The following AK5 variants were observed in gnomAD, a reference collection of about 807,000 sequenced individuals.
AK5 encodes the protein adenylate kinase 5.
AK5 carries 27 observed loss-of-function variants against 69.5 expected under a neutral mutation model. The observed-to-expected ratio is 0.39, with a 90% CI of 0.29 to 0.54. The LOEUF (loss-of-function observed/expected upper bound fraction) is 0.54, where lower values mean the gene tolerates loss of function less well. Ranked by LOEUF, AK5 falls within the 20% of genes least tolerant of loss-of-function variation. The probability of loss-of-function intolerance (pLI) is 0.71; values close to 1 mark genes in which losing one functional copy is unlikely to be tolerated. For synonymous variants in AK5, 260 were observed against 244.4 expected, an observed-to-expected ratio of 1.06 and a Z score of -0.60; for missense variants, 531 against 700.4, an observed-to-expected ratio of 0.76 and a Z score of 2.73.
At chr1:77,306,198 A>G (rs1659626699) in intron 5 of AK5, among the ~76,000 whole-genome samples, 2 of 152,154 alleles carry the variant, frequency 1.3e-5, no homozygotes, top group South Asian at 4.1e-4. Context: ...CCCATTCAGT[A>G]TGATACTAGC....
At chr1:77,443,793 T>A (rs1652489261) in intron 8 of AK5, among the ~76,000 whole-genome samples, 2 of 151,858 alleles carry the variant, frequency 1.3e-5, no homozygotes, top group Non-Finnish European at 2.9e-5. Context: ...ATTTATTTTT[T>A]AAATATTTTA....
At chr1:77,421,007 A>T (rs569779841) in intron 8 of AK5, among the ~76,000 whole-genome samples, 1 of 152,346 alleles carries the variant, frequency 6.6e-6, no homozygotes, top group Admixed American at 6.5e-5. Context: ...TGAAATTCAA[A>T]TTCCATATAA....
rs1020738477 is a variant in AK5 at position 77,467,278 on chromosome 1, T to C, written c.1060-16039T>C. 2.6e-5 allele frequency among the ~76,000 whole-genome samples: 4 copies of C among 152,332 alleles called. No individual in the cohort carries two copies. The South Asian group carries it at 6.2e-4, about 24-fold the overall frequency. On this transcript the variant is annotated intron_variant, in intron 8 of 13. Coordinates refer to ENST00000354567, the MANE Select transcript of AK5 (RefSeq NM_174858.3). ...ACCCAAGCCTCACTTTCTTTCCTTG[T>C]AAAGTGGAGGCTCCTAGTTTCTCCT... is the stretch of plus-strand genomic sequence containing the variant.
At chr1:77,524,212 T>C (rs1432771685) in intron 12 of AK5, among the ~76,000 whole-genome samples, 1 of 152,236 alleles carries the variant, frequency 6.6e-6, no homozygotes, top group African/African-American at 2.4e-5. Flanking sequence ...GCTTTCACTT[T>C]CTGGCTATTG....
At chr1:77,356,050 T>A (rs984609800) in intron 6 of AK5, among the ~76,000 whole-genome samples, 1 of 152,210 alleles carries the variant, frequency 6.6e-6, no homozygotes, top group African/African-American at 2.4e-5. Flanking sequence ...TTTCAAGATC[T>A]CTAGTCTTTA....
chr1:77,358,018 T>TGTGTGTGTGTGTGTGA (rs762714026), intron 6 of AK5, among the ~76,000 whole-genome samples: 14,610 of 128,032 alleles, frequency 0.11, 1,141 homozygotes, highest in Non-Finnish European at 0.16. Flanking sequence ...TGTGTGTGTG[T>TGTGTGTGTGTGTGTGA]GAGAGAGAGA....
At chr1:77,365,373 C>G (rs909281690) in intron 6 of AK5, among the ~76,000 whole-genome samples, 26 of 152,290 alleles carry the variant, frequency 1.7e-4, no homozygotes, top group African/African-American at 5.5e-4. Flanking sequence ...TGCAGTGGCA[C>G]GATCCTAGCT....
chr1:77,394,364 C>T (rs557217980), intron 6 of AK5, among the ~76,000 whole-genome samples: 4 of 152,186 alleles, frequency 2.6e-5, no homozygotes, highest in Non-Finnish European at 1.5e-5. Flanking sequence ...GGCTCAAATT[C>T]TCTCTCTCCT....
intron 8 of AK5, among the ~76,000 whole-genome samples, chr1:77,422,682 C>T (rs1337640844): frequency 2.6e-5 from 4 of 152,168 alleles, no homozygotes; most frequent in Non-Finnish European, 4.4e-5. Context: ...TCTCAGGGGG[C>T]CCGTGATACT....
At chr1:77,526,130 C>G (rs886380936) in intron 12 of AK5, among the ~76,000 whole-genome samples, 2 of 151,938 alleles carry the variant, frequency 1.3e-5, no homozygotes, top group Non-Finnish European at 2.9e-5. Flanking sequence ...TGGATAAGTC[C>G]CTAGGGATAC....
chr1:77,551,342 T>C (rs1557669679), intron 13 of AK5, among the ~76,000 whole-genome samples: 1 of 152,132 alleles, frequency 6.6e-6, no homozygotes, highest in East Asian at 1.9e-4. Context: ...TCACAGAGTT[T>C]TCTAGTCACC....
At chr1:77,483,231 A>T (rs1320825671) in intron 8 of AK5, 86 bp from the exon 9 acceptor site, 1 of 917,904 alleles carries the variant, frequency 1.1e-6, no homozygotes, top group East Asian at 2.4e-5. Flanking sequence ...TACAGTTGTT[A>T]GGAAGTTCAA....
intron 10 of AK5, among the ~76,000 whole-genome samples, chr1:77,499,255 A>G (rs1447630444): frequency 1.3e-5 from 2 of 152,140 alleles, no homozygotes; most frequent in Non-Finnish European, 2.9e-5. Context: ...ACATATTTAA[A>G]CCAACCTTCA....
intron 8 of AK5, among the ~76,000 whole-genome samples, chr1:77,470,708 T>C (rs1654406232): frequency 6.6e-6 from 1 of 151,172 alleles, no homozygotes; most frequent in Admixed American, 6.6e-5. Flanking sequence ...TCTTATGTGG[T>C]AATTCCAACA....
At chr1:77,282,499 C>T (rs926141057) in intron 1 of AK5, 126 bp downstream of exon 1, 2 of 1,383,976 alleles carry the variant, frequency 1.4e-6, no homozygotes, top group Non-Finnish European at 1.9e-6. Context: ...CTTGTAGAAG[C>T]GCACTCGCCC....
chr1:77,461,008 C>T (rs1653799475), intron 8 of AK5, among the ~76,000 whole-genome samples: 1 of 151,730 alleles, frequency 6.6e-6, no homozygotes, highest in Non-Finnish European at 1.5e-5. Flanking sequence ...CAGGCGTGAG[C>T]CACCACACCC....
At chr1:77,481,787 T>C (rs1249947049) in intron 8 of AK5, among the ~76,000 whole-genome samples, 6 of 152,150 alleles carry the variant, frequency 3.9e-5, no homozygotes, top group African/African-American at 1.4e-4. Flanking sequence ...GACCATGCAG[T>C]CCCCTCTCTC....
chr1:77,368,230 TA>T (rs1557535137), intron 6 of AK5, among the ~76,000 whole-genome samples: 2 of 26,486 alleles, frequency 7.6e-5, no homozygotes, highest in Non-Finnish European at 1.5e-4. Flanking sequence ...TATATATATA[TA>T]TATATATATA....
intron 2 of AK5, among the ~76,000 whole-genome samples, chr1:77,287,459 C>T (rs568579839): frequency 8.5e-5 from 13 of 152,224 alleles, no homozygotes; most frequent in East Asian, 3.9e-4. Context: ...GAATAGAATA[C>T]GGGTATAATT....
Sources: allele counts gnomAD v4.1 joint callset (sites outside exome capture counted in the v4.1 genomes callset), GRCh38; gene constraint gnomAD v4.1.1; transcripts MANE v1.5; gene names NCBI Gene and HGNC (gene_info 2026-07-23, HGNC 2026-07-21).